FMN2: variants seen among roughly 807,000 people sequenced by gnomAD.
FMN2 encodes formin-2.
FMN2 carries 51 observed loss-of-function variants against 142.3 expected under a neutral mutation model. The ratio of observed to expected loss-of-function variants is 0.36; its 90% CI spans 0.29 to 0.45. The LOEUF (loss-of-function observed/expected upper bound fraction) is 0.45. FMN2 is among the 20% of genes least tolerant of loss of function. The probability of loss-of-function intolerance (pLI) is 1.00; values close to 1 mark genes in which losing one functional copy is unlikely to be tolerated. For missense variants in FMN2, 1,936 were observed against 2,122.8 expected, an observed-to-expected ratio of 0.91 and a Z score of 1.73; for synonymous variants, 882 against 869.8, an observed-to-expected ratio of 1.01 and a Z score of -0.25.
intron 4 of FMN2, among the ~76,000 whole-genome samples, chr1:240,203,501 C>T (rs1666209313): frequency 6.6e-6 from 1 of 152,154 alleles, no homozygotes; most frequent in Admixed American, 6.5e-5. Flanking sequence ...CGATCATGTC[C>T]TTTGCAGCGA....
intron 14 of FMN2, among the ~76,000 whole-genome samples, chr1:240,358,189 G>A (rs535114399): frequency 2.0e-5 from 3 of 152,192 alleles, no homozygotes; most frequent in Non-Finnish European, 4.4e-5. Flanking sequence ...AGTATGCCCA[G>A]CTATTCTGTT....
intron 6 of FMN2, among the ~76,000 whole-genome samples, chr1:240,247,497 C>G (rs376954022): frequency 7.5e-6 from 1 of 132,456 alleles, no homozygotes; most frequent in African/African-American, 3.0e-5. Flanking sequence ...AGCAAAACTC[C>G]ATTTCAAAAA....
intron 2 of FMN2, among the ~76,000 whole-genome samples, chr1:240,134,840 C>T (rs1232428725): frequency 6.6e-6 from 1 of 152,120 alleles, no homozygotes; most frequent in African/African-American, 2.4e-5. Flanking sequence ...TACCACATTC[C>T]TTCACCAACC....
At chr1:240,116,484 C>T (rs573797641) in intron 1 of FMN2, among the ~76,000 whole-genome samples, 4 of 151,816 alleles carry the variant, frequency 2.6e-5, no homozygotes, top group African/African-American at 4.8e-5. Flanking sequence ...AAATGGCTAG[C>T]GAGTTAGAGA....
intron 2 of FMN2, among the ~76,000 whole-genome samples, chr1:240,141,569 CA>C (rs1240274002): frequency 6.6e-6 from 1 of 152,014 alleles, no homozygotes; most frequent in African/African-American, 2.4e-5. Context: ...GGGGTTTCAC[CA>C]TGTTGGCCAG....
intron 5 of FMN2, among the ~76,000 whole-genome samples, chr1:240,210,156 C>A (rs938248103): frequency 6.6e-6 from 1 of 152,130 alleles, no homozygotes; most frequent in Non-Finnish European, 1.5e-5. Context: ...TCTGGTGGTA[C>A]TTTATACATT....
chr1:240,399,736 G>A (rs536245200), intron 15 of FMN2, among the ~76,000 whole-genome samples: 18 of 152,178 alleles, frequency 1.2e-4, no homozygotes, highest in African/African-American at 4.1e-4. Flanking sequence ...TCCAGCTCAG[G>A]TGTAGCCAAC....
At position 240,106,847 on chromosome 1, in the gene FMN2, C is replaced by A. The variant is rs192650398; in HGVS notation, c.1615+13123C>A. ...TTCAGGCGCCCACCACCACGCCCAGCTAATTTTTGTGTTTTTAGTAGAGAC... is the reference window on the plus strand; with the variant it reads ...TTCAGGCGCCCACCACCACGCCCAGATAATTTTTGTGTTTTTAGTAGAGAC... On this transcript the variant is annotated intron_variant, in intron 1 of 17. Coordinates refer to ENST00000319653, the MANE Select transcript of FMN2 (RefSeq NM_020066.5). Among the ~76,000 whole-genome samples, 694 of 151,788 alleles carry A rather than the reference C, an allele frequency of 4.6e-3. 9 individuals carry two copies. Among genetic ancestry groups the A allele is most frequent in the African/African-American group, 0.016 (667 of 41,396 alleles).
chr1:240,346,583 A>G (rs1671916397), intron 13 of FMN2, among the ~76,000 whole-genome samples: 1 of 152,190 alleles, frequency 6.6e-6, no homozygotes, highest in African/African-American at 2.4e-5. Context: ...GAATTTTTCC[A>G]AAGCATTGGC....
At chr1:240,148,926 C>A (rs890089821) in intron 2 of FMN2, among the ~76,000 whole-genome samples, 1 of 150,744 alleles carries the variant, frequency 6.6e-6, no homozygotes, top group Non-Finnish European at 1.5e-5. Context: ...GAGTCTAGAT[C>A]GCGCCACTGC....
In FMN2 at chr1:240,092,226, C is replaced by T. The variant is rs1004240278; in HGVS notation, c.117C>T (p.Ser39=). 4 of 1,542,336 alleles carry T rather than the reference C, an allele frequency of 2.6e-6. No individual in the cohort carries two copies. Among genetic ancestry groups the T allele is most frequent in the East Asian group, 2.3e-5 (1 of 42,638 alleles). Residue 39 remains serine (S), a synonymous_variant, in exon 1 of 18, where the codon AGC becomes AGT. Coordinates refer to ENST00000319653, the MANE Select transcript of FMN2 (RefSeq NM_020066.5). The stretch of plus-strand genomic sequence containing the variant: ...ATGTGGAAGCCACAAAGAAGGGGAG[C>T]GGGGGCAAGAAGGCGCTAGGCAAGC... ...PRDVEATKKG[S]GGKKALGKHG...
chr1:240,345,330 A>T (rs1161587802), intron 13 of FMN2, among the ~76,000 whole-genome samples: 1 of 152,188 alleles, frequency 6.6e-6, no homozygotes, highest in African/African-American at 2.4e-5. Context: ...ATGTCTGGTG[A>T]TTGGTATTCT....
intron 7 of FMN2, among the ~76,000 whole-genome samples, chr1:240,272,205 C>G (rs1669040846): frequency 6.6e-6 from 1 of 152,120 alleles, no homozygotes; most frequent in Non-Finnish European, 1.5e-5. Context: ...AATGTTGCAT[C>G]TGTTCTTTAA....
intron 8 of FMN2, among the ~76,000 whole-genome samples, chr1:240,296,297 A>AT (rs1268193611): frequency 2.0e-5 from 3 of 151,522 alleles, no homozygotes; most frequent in Admixed American, 1.3e-4. Flanking sequence ...GAAGTGTGAT[A>AT]TGAGAGATGT....
chr1:240,401,423 G>A (rs141272027), intron 15 of FMN2, among the ~76,000 whole-genome samples: 2 of 152,232 alleles, frequency 1.3e-5, no homozygotes, highest in Admixed American at 6.5e-5. Context: ...GCCCTTTGAC[G>A]TTGAGACAGA....
intron 15 of FMN2, among the ~76,000 whole-genome samples, chr1:240,415,629 G>C (rs74151665): frequency 1.4e-4 from 21 of 152,182 alleles, no homozygotes; most frequent in African/African-American, 5.1e-4. Flanking sequence ...CCTGCACTCG[G>C]TGTAAAAACA....
Position 240,126,141 on chromosome 1 carries a change from C to T in FMN2, c.1782+2796C>T, listed in dbSNP as rs556763117. Among the ~76,000 whole-genome samples, 27 of 152,070 alleles carry T rather than the reference C, an allele frequency of 1.8e-4. No homozygotes were observed. The South Asian group carries it at 4.4e-3, about 25-fold the overall frequency. Reference sequence around the variant, plus strand: ...GTTTCTTGAAAACTGGAGAGGGCGACGATATAATGATACAGGGGGTTCTGA... The same window carrying T: ...GTTTCTTGAAAACTGGAGAGGGCGATGATATAATGATACAGGGGGTTCTGA... On this transcript the variant is annotated intron_variant, in intron 2 of 17. Coordinates refer to ENST00000319653, the MANE Select transcript of FMN2 (RefSeq NM_020066.5).
rs531068416 is a variant in FMN2, at chr1:240,095,069, CTAGA to C, written c.1615+1348_1615+1351del. 2.7e-3 allele frequency among the ~76,000 whole-genome samples: 408 copies of C among 151,838 alleles called. 2 individuals are homozygous for C. The highest frequency in any genetic ancestry group is 9.5e-3 in the African/African-American group (391 of 41,372). ...AAGAATGTTTGTAGTTTTATACCCA[CTAGA>C]TAAATTGTAAAAAAACAAAAACAAA... On this transcript the variant is annotated intron_variant, in intron 1 of 17. Coordinates refer to ENST00000319653, the MANE Select transcript of FMN2 (RefSeq NM_020066.5).
chr1:240,120,403 A>G (rs1244329993), intron 1 of FMN2, among the ~76,000 whole-genome samples: 2 of 152,210 alleles, frequency 1.3e-5, no homozygotes, highest in African/African-American at 2.4e-5. Context: ...GATACTTACT[A>G]TTTGGCCCTT....
Sources: allele counts gnomAD v4.1 joint callset (sites outside exome capture counted in the v4.1 genomes callset), GRCh38; gene constraint gnomAD v4.1.1; transcripts MANE v1.5; gene names NCBI Gene and HGNC (gene_info 2026-07-23, HGNC 2026-07-21).